PVT1: variants seen among roughly 807,000 people sequenced by gnomAD.
PVT1 encodes Pvt1 oncogene, also known as CXCR4/PVT1 fusion.
chr8:127,948,088 C>T (rs1563647431), intron 3 of PVT1: 1 of 376,942 alleles, frequency 2.7e-6, no homozygotes, highest in South Asian at 2.0e-5. Flanking sequence ...CTTCTGCCAG[C>T]CCCGGTCAGC....
rs534858693 is a variant in PVT1 at position 127,913,767 on chromosome 8, G to T, written n.782+22769G>T. Among the ~76,000 whole-genome samples the T allele has an allele frequency of 5.8e-4, 88 of 152,172 alleles. 1 individual carries two copies. Among genetic ancestry groups the T allele is most frequent in the African/African-American group, 2.0e-3 (84 of 41,496 alleles). ...GGGTCTGTGTGGGATTAAGTCGTCCGCAGTCTTTCCCTCCCTTAATCTCTT... is the reference window on the plus strand; with the variant it reads ...GGGTCTGTGTGGGATTAAGTCGTCCTCAGTCTTTCCCTCCCTTAATCTCTT... On this transcript the variant is annotated intron_variant and non_coding_transcript_variant, in intron 3 of 10. Transcript: ENST00000651587.
chr8:127,918,969 G>T (rs1162613737), intron 3 of PVT1, among the ~76,000 whole-genome samples: 1 of 152,100 alleles, frequency 6.6e-6, no homozygotes, highest in Non-Finnish European at 1.5e-5. Flanking sequence ...GCGGGGTCGT[G>T]GGGGCTTTCT....
At chr8:127,930,443 G>A (rs562034700) in intron 3 of PVT1, among the ~76,000 whole-genome samples, 11 of 152,300 alleles carry the variant, frequency 7.2e-5, no homozygotes, top group African/African-American at 2.6e-4. Context: ...AGAGGCGTGA[G>A]TCATCATGCC....
intron 3 of PVT1, among the ~76,000 whole-genome samples, chr8:127,945,991 AG>A (rs1479233722): frequency 6.6e-6 from 1 of 152,174 alleles, no homozygotes; most frequent in African/African-American, 2.4e-5. Flanking sequence ...GTTGGAAAAA[AG>A]AAAGAGTTAG....
At chr8:127,854,631 G>A (rs2129739525) in intron 2 of PVT1, 1 of 152,458 alleles carries the variant, frequency 6.6e-6, no homozygotes, top group South Asian at 2.1e-4. Flanking sequence ...GCATCGAAGA[G>A]TTCAGTTCAA....
At chr8:127,801,977 A>G (rs1461525893) in intron 2 of PVT1, among the ~76,000 whole-genome samples, 1 of 151,932 alleles carries the variant, frequency 6.6e-6, no homozygotes, top group Admixed American at 6.6e-5. Flanking sequence ...GTGCAGTGGC[A>G]TGATCTCGGC....
At chr8:127,822,229 A>G (rs542365100) in intron 2 of PVT1, among the ~76,000 whole-genome samples, 1 of 152,344 alleles carries the variant, frequency 6.6e-6, no homozygotes, top group South Asian at 2.1e-4. Flanking sequence ...ACCTGAGGAC[A>G]CAAGGATGGA....
chr8:127,921,046 TG>T (rs766208183), intron 3 of PVT1, among the ~76,000 whole-genome samples: 17 of 152,238 alleles, frequency 1.1e-4, no homozygotes, highest in Non-Finnish European at 2.5e-4. Context: ...ACATTTTCAA[TG>T]AAATGACAGT....
chr8:128,020,180 G>C (rs1444752750), intron 4 of PVT1, among the ~76,000 whole-genome samples: 1 of 152,144 alleles, frequency 6.6e-6, no homozygotes, highest in African/African-American at 2.4e-5. Flanking sequence ...GAGAAGCTCT[G>C]GTAAACAGAA....
intron 2 of PVT1, among the ~76,000 whole-genome samples, chr8:127,828,670 A>G (rs1314906301): frequency 6.6e-6 from 1 of 152,100 alleles, no homozygotes; most frequent in African/African-American, 2.4e-5. Context: ...CCATCCTCAG[A>G]GAGTGAATGA....
chr8:127,964,302 A>AGGC (rs1816680151), intron 3 of PVT1, among the ~76,000 whole-genome samples: 1 of 152,228 alleles, frequency 6.6e-6, no homozygotes. Context: ...ACTGGTTCAG[A>AGGC]AATAGTTCCT....
At chr8:128,076,519 T>C (rs1209950583) in intron 5 of PVT1, among the ~76,000 whole-genome samples, 1 of 152,210 alleles carries the variant, frequency 6.6e-6, no homozygotes, top group African/African-American at 2.4e-5. Flanking sequence ...TAGGTTTGTC[T>C]TTGTTCTAAG....
chr8:127,935,217 C>A (rs1043246047), intron 3 of PVT1, among the ~76,000 whole-genome samples: 1 of 152,156 alleles, frequency 6.6e-6, no homozygotes, highest in Admixed American at 6.5e-5. Context: ...CTGCCCGCCT[C>A]GGCCTCCCAA....
chr8:127,910,199 C>T (rs888569065), intron 3 of PVT1, among the ~76,000 whole-genome samples: 3 of 151,992 alleles, frequency 2.0e-5, no homozygotes, highest in African/African-American at 4.8e-5. Flanking sequence ...CTGCTGGCCA[C>T]GCAAGGGGAA....
intron 2 of PVT1, among the ~76,000 whole-genome samples, chr8:127,883,879 C>T (rs1443477810): frequency 6.6e-6 from 1 of 152,068 alleles, no homozygotes; most frequent in Admixed American, 6.5e-5. Context: ...GGCAGTGGGG[C>T]GTGAGAATAC....
intron 3 of PVT1, among the ~76,000 whole-genome samples, chr8:127,985,330 C>G (rs539411439): frequency 6.6e-6 from 1 of 152,016 alleles, no homozygotes; most frequent in African/African-American, 2.4e-5. Flanking sequence ...CCGCGCCCAG[C>G]CTTCCAGGCT....
At chr8:127,899,364 T>G (rs1815730589) in intron 3 of PVT1, among the ~76,000 whole-genome samples, 1 of 152,196 alleles carries the variant, frequency 6.6e-6, no homozygotes, top group Admixed American at 6.5e-5. Context: ...TGATGCATAG[T>G]AAGCCCTGAA....
At chr8:127,801,004 T>G (rs1729562142) in intron 2 of PVT1, among the ~76,000 whole-genome samples, 1 of 151,860 alleles carries the variant, frequency 6.6e-6, no homozygotes, top group Non-Finnish European at 1.5e-5. Flanking sequence ...CCACCTGAAG[T>G]AGGGGAAGGA....
intron 4 of PVT1, among the ~76,000 whole-genome samples, chr8:128,001,998 C>A (rs995004003): frequency 1.2e-4 from 18 of 152,306 alleles, no homozygotes; most frequent in African/African-American, 4.3e-4. Context: ...CACCGACATT[C>A]AGACTGTAGC....
Sources: allele counts gnomAD v4.1 joint callset (sites outside exome capture counted in the v4.1 genomes callset), GRCh38; gene constraint gnomAD v4.1.1; transcripts MANE v1.5; gene names NCBI Gene and HGNC (gene_info 2026-07-23, HGNC 2026-07-21).